The following CHIC2 variants were observed in gnomAD, a reference collection of about 807,000 sequenced individuals.
The protein encoded by CHIC2 is cysteine-rich hydrophobic domain-containing protein 2.
CHIC2 carries 14 observed loss-of-function variants against 25.9 expected under a neutral mutation model. That is an observed-to-expected ratio of 0.54 (90% CI 0.36 to 0.85). The LOEUF is 0.85. Among genes scored for constraint, CHIC2 ranks in the 40% least tolerant of loss-of-function variants. The probability of loss-of-function intolerance (pLI) is 0.01; values close to 1 mark genes in which losing one functional copy is unlikely to be tolerated. For synonymous variants in CHIC2, 70 were observed against 72.0 expected (o/e 0.97, Z 0.14); for missense variants, 146 against 202.0 (o/e 0.72, Z 1.68).
chr4:54,021,660 G>T (rs951648190), intron 3 of CHIC2, among the ~76,000 whole-genome samples: 1 of 151,782 alleles, frequency 6.6e-6, no homozygotes, highest in Non-Finnish European at 1.5e-5. Context: ...TTCTTTATCC[G>T]ACCTCTCCCA....
chr4:54,016,288 C>T (rs1042632147), intron 3 of CHIC2, among the ~76,000 whole-genome samples: 6 of 151,422 alleles, frequency 4.0e-5, no homozygotes, highest in African/African-American at 1.5e-4. Context: ...TAAACCCATG[C>T]TATAATAAGA....
chr4:54,039,899 T>G (rs1716509981), intron 3 of CHIC2, among the ~76,000 whole-genome samples: 1 of 152,048 alleles, frequency 6.6e-6, no homozygotes, highest in Non-Finnish European at 1.5e-5. Context: ...AATAGATGAA[T>G]CTCAAATGCA....
intron 1 of CHIC2, among the ~76,000 whole-genome samples, chr4:54,058,454 T>C (rs768446935): frequency 1.3e-5 from 2 of 151,782 alleles, no homozygotes; most frequent in Non-Finnish European, 2.9e-5. Context: ...ATATGTCTGA[T>C]AGAATCACAT....
At chr4:54,087,523 A>G in the CHIC2 span, 1 of 1,173,446 alleles carries the variant, frequency 8.5e-7, no homozygotes, top group Non-Finnish European at 1.1e-6. Flanking sequence ...TGCTCTACAA[A>G]TTTGAGAGGC....
the CHIC2 span, among the ~76,000 whole-genome samples, chr4:54,069,931 A>G: frequency 0.067 from 10,135 of 152,246 alleles, 1,167 homozygotes; most frequent in African/African-American, 0.23. Context: ...CATGAAGTCC[A>G]CTGGGGAGGA....
At chr4:54,081,560 A>G in the CHIC2 span, among the ~76,000 whole-genome samples, 1 of 152,184 alleles carries the variant, frequency 6.6e-6, no homozygotes, top group Admixed American at 6.5e-5. Context: ...AAGATCAGGA[A>G]TCTGCCCTAG....
chr4:54,074,067 A>G, the CHIC2 span, among the ~76,000 whole-genome samples: 1 of 152,042 alleles, frequency 6.6e-6, no homozygotes, highest in Non-Finnish European at 1.5e-5. Flanking sequence ...CTGAGGCAGG[A>G]GAATCGCTTG....
At chr4:54,047,813 A>T (rs1716881856) in intron 3 of CHIC2, among the ~76,000 whole-genome samples, 1 of 152,070 alleles carries the variant, frequency 6.6e-6, no homozygotes, top group Non-Finnish European at 1.5e-5. Context: ...TAAAAAAAAG[A>T]AACCCTGTCT....
the CHIC2 span, among the ~76,000 whole-genome samples, chr4:54,079,111 G>A: frequency 2.6e-5 from 4 of 152,110 alleles, no homozygotes; most frequent in East Asian, 2.0e-4. Flanking sequence ...CAGCTACTCA[G>A]GAGGCTGAGG....
chr4:54,087,533 C>A, the CHIC2 span: 3 of 1,164,790 alleles, frequency 2.6e-6, no homozygotes, highest in Non-Finnish European at 3.4e-6. Flanking sequence ...ATTTGAGAGG[C>A]CCCTGTATGC....
intron 1 of CHIC2, among the ~76,000 whole-genome samples, chr4:54,051,419 G>A (rs1197102319): frequency 2.6e-5 from 4 of 151,884 alleles, no homozygotes; most frequent in Non-Finnish European, 5.9e-5. Context: ...CTAATCTCAT[G>A]AGTATTATTG....
upstream of CHIC2, among the ~76,000 whole-genome samples, chr4:54,067,924 C>T (rs556673252): frequency 6.6e-6 from 1 of 150,604 alleles, no homozygotes; most frequent in Admixed American, 6.6e-5. Context: ...TTTTGTCCCC[C>T]CCCCCAAATT....
the CHIC2 span, among the ~76,000 whole-genome samples, chr4:54,074,324 C>T: frequency 1.3e-5 from 2 of 152,272 alleles, no homozygotes; most frequent in Non-Finnish European, 2.9e-5. Context: ...CTGAGAGGCA[C>T]AAGCACTTTC....
At position 54,064,284 on chromosome 4, in the gene CHIC2, T is replaced by C. The variant is rs1184058988; in HGVS notation, c.17A>G (p.Glu6Gly). 1.9e-6 allele frequency: 3 copies of C among 1,613,130 alleles called. No individual in the cohort carries two copies. The highest frequency in any genetic ancestry group is 2.5e-6 in the Non-Finnish European group (3 of 1,179,614). MADFD[E>G]IYEEEEDEER... ...CTCGTCCTCCTCTTCCTCATAGATT[T>C]CGTCGAAATCCGCCATCCTGAGCCT... Residue 6 changes from glutamate to glycine, a missense_variant, in exon 1 of 6, where the codon GAA becomes GGA. Physicochemically the swap from Glu to Gly is moderately conservative, Grantham distance 98. Coordinates refer to ENST00000263921, the MANE Select transcript of CHIC2 (RefSeq NM_012110.4). This position sits in a 1 kb window ranked among gnomAD's most constrained non-coding sequence, Gnocchi z 4.2.
chr4:54,025,202 C>G (rs1475911849), intron 3 of CHIC2, among the ~76,000 whole-genome samples: 2 of 152,182 alleles, frequency 1.3e-5, no homozygotes, highest in African/African-American at 4.8e-5. Context: ...AACTGAAGAT[C>G]CACAAAAGAA....
chr4:54,071,533 A>G, the CHIC2 span, among the ~76,000 whole-genome samples: 2 of 152,260 alleles, frequency 1.3e-5, no homozygotes, highest in Non-Finnish European at 2.9e-5. Flanking sequence ...TAGAGCCAGA[A>G]CTTGAACTCA....
At chr4:54,045,770 A>C (rs1057143105) in intron 3 of CHIC2, among the ~76,000 whole-genome samples, 3 of 152,108 alleles carry the variant, frequency 2.0e-5, no homozygotes, top group African/African-American at 7.2e-5. Context: ...CACCACTCAT[A>C]TTCAACATAG....
the CHIC2 span, chr4:54,087,806 T>C: frequency 2.4e-6 from 1 of 415,408 alleles, no homozygotes. Flanking sequence ...GACCATTCAC[T>C]GTTATTTCCC....
At chr4:54,050,475 C>T (rs1560395576) in intron 1 of CHIC2, among the ~76,000 whole-genome samples, 1 of 152,084 alleles carries the variant, frequency 6.6e-6, no homozygotes, top group Admixed American at 6.6e-5. Context: ...AACCCTCAAT[C>T]TGTTGATCTG....
Sources: gnomAD v4.1 joint callset for allele counts (sites outside exome capture counted in the v4.1 genomes callset) on GRCh38, gnomAD v4.1.1 for gene constraint, Gnocchi (gnomAD v3.1) non-coding constraint, MANE v1.5 for transcripts, NCBI Gene and HGNC (gene_info 2026-07-23, HGNC 2026-07-21) for gene names.